SARNP: variants seen among roughly 807,000 people sequenced by gnomAD.
SARNP encodes SAP domain-containing ribonucleoprotein.
SARNP carries 5 observed loss-of-function variants against 38.1 expected under a neutral mutation model. The ratio of observed to expected loss-of-function variants is 0.13; its 90% confidence interval spans 0.07 to 0.28. The LOEUF (loss-of-function observed/expected upper bound fraction) is 0.28. SARNP is among the 10% of genes least tolerant of loss of function. The probability of loss-of-function intolerance (pLI) is 1.00; values close to 1 mark genes in which losing one functional copy is unlikely to be tolerated. For missense variants in SARNP, 180 were observed against 243.9 expected (o/e 0.74, Z 1.75); for synonymous variants, 84 against 80.6 (o/e 1.04, Z -0.23).
chr12:55,815,475 T>G (rs1289075594), intron 1 of SARNP, among the ~76,000 whole-genome samples: 1 of 152,018 alleles, frequency 6.6e-6, no homozygotes, highest in Non-Finnish European at 1.5e-5. Context: ...TTTTTCTTTT[T>G]GAGACGGAGT....
intron 9 of SARNP, among the ~76,000 whole-genome samples, chr12:55,787,909 C>T (rs886090627): frequency 6.6e-6 from 1 of 152,092 alleles, no homozygotes; most frequent in Non-Finnish European, 1.5e-5. Context: ...CCACCACACC[C>T]AGCTAATTTT....
At chr12:55,768,762 T>C (rs1385548953) in intron 9 of SARNP, among the ~76,000 whole-genome samples, 1 of 149,138 alleles carries the variant, frequency 6.7e-6, no homozygotes, top group East Asian at 2.0e-4. Flanking sequence ...CTCATTCTGT[T>C]GCCCAGGCTG....
chr12:55,800,963 G>A (rs1879962924), intron 2 of SARNP, 63 bp from the exon 3 acceptor site: 3 of 1,359,648 alleles, frequency 2.2e-6, no homozygotes, highest in South Asian at 1.2e-5. Flanking sequence ...CACTTACCAA[G>A]GTTAAAATTA....
At chr12:55,767,804 G>A (rs1215496297) in intron 9 of SARNP, among the ~76,000 whole-genome samples, 7 of 138,716 alleles carry the variant, frequency 5.0e-5, no homozygotes, top group South Asian at 4.5e-4. Context: ...CCGAGATCGC[G>A]CCACTGCACT....
intron 9 of SARNP, among the ~76,000 whole-genome samples, chr12:55,765,637 C>G (rs1878807099): frequency 6.6e-6 from 1 of 152,088 alleles, no homozygotes; most frequent in Non-Finnish European, 1.5e-5. Flanking sequence ...AGCCACCACA[C>G]CCAGCCTAGC....
At chr12:55,817,629 G>C in intron 1 of SARNP, 37 bp downstream of exon 1, 1 of 1,599,560 alleles carries the variant, frequency 6.3e-7, no homozygotes, top group East Asian at 2.3e-5. Context: ...TCAGTTCCTA[G>C]AAAAGTCCAA....
chr12:55,752,912 A>G (rs1878370735), downstream of SARNP: 1 of 152,234 alleles, frequency 6.6e-6, no homozygotes, highest in Non-Finnish European at 1.5e-5. Flanking sequence ...ATCAAGTGCC[A>G]CATTTACACC....
chr12:55,799,901 C>T (rs1346300693), intron 4 of SARNP, among the ~76,000 whole-genome samples: 1 of 150,738 alleles, frequency 6.6e-6, no homozygotes, highest in African/African-American at 2.4e-5. Context: ...GAACAGTTAA[C>T]AGAATGGGCC....
chr12:55,801,180 T>C (rs1879968783), intron 2 of SARNP, among the ~76,000 whole-genome samples: 2 of 152,228 alleles, frequency 1.3e-5, no homozygotes, highest in Admixed American at 6.5e-5. Flanking sequence ...CGTGGCTCTC[T>C]GTAATCCCAG....
rs529116424 is a variant in SARNP at position 55,816,600 on chromosome 12, C to CA, written c.36+1065dup. Among the ~76,000 whole-genome samples the CA allele has an allele frequency of 6.6e-3, 994 of 151,062 alleles. 13 individuals carry two copies. Among genetic ancestry groups the CA allele is most frequent in the African/African-American group, 0.023 (951 of 41,258 alleles). On this transcript the variant is annotated intron_variant, in intron 1 of 10. Coordinates refer to ENST00000336133, the MANE Select transcript of SARNP (RefSeq NM_033082.4). ...TAAGCTTTCTTAACAGCAACAAAAA[C>CA]AAAAAAAAACTTTTCGAGCTTTAAA... is the stretch of plus-strand genomic sequence containing the variant.
intron 7 of SARNP, chr12:55,793,595 TCA>T (rs1565679283): frequency 6.6e-6 from 1 of 150,420 alleles, no homozygotes; most frequent in Non-Finnish European, 1.5e-5. Flanking sequence ...TGGTGAACCC[TCA>T]GATACAGACA....
At chr12:55,814,324 A>G (rs1880419731) in intron 1 of SARNP, among the ~76,000 whole-genome samples, 1 of 152,218 alleles carries the variant, frequency 6.6e-6, no homozygotes, top group South Asian at 2.1e-4. Context: ...TACATAACTT[A>G]GAAAGCCCTT....
intron 7 of SARNP, 41 bp from the exon 8 acceptor site, chr12:55,790,633 T>C (rs549681627): frequency 1.4e-6 from 2 of 1,451,214 alleles, no homozygotes; most frequent in South Asian, 2.8e-5. Flanking sequence ...TTTTTAAAAG[T>C]CATCAAAGCC....
At chr12:55,791,298 A>C (rs371497565) in intron 7 of SARNP, among the ~76,000 whole-genome samples, 6 of 152,366 alleles carry the variant, frequency 3.9e-5, no homozygotes, top group African/African-American at 1.4e-4. Context: ...TGAATTATAT[A>C]TCTTTAAATG....
Position 55,796,072 on chromosome 12 carries a change from C to T in SARNP, c.256G>A (p.Ala86Thr). ...GTAATTTTCACCACTTTCTTCTCTGCTGCCCTAGAAAAGAAAGAGATTTTT... is the reference window on the plus strand; with the variant it reads ...GTAATTTTCACCACTTTCTTCTCTGTTGCCCTAGAAAAGAAAGAGATTTTT... ...EPPEKTVDVA[A>T]EKKVVKITSE... The change falls in exon 5 of 11, where the codon GCA becomes ACA. Residue 86 changes from alanine (A) to threonine (T), a missense_variant. By Grantham distance (58) the Ala-to-Thr change is moderately conservative. Transcript: ENST00000336133. The T allele has an allele frequency of 6.2e-7, 1 of 1,607,022 alleles. No homozygotes were observed. The highest frequency in any genetic ancestry group is 8.5e-7 in the Non-Finnish European group (1 of 1,173,916).
At chr12:55,773,858 C>CCCA (rs1182751797) in intron 9 of SARNP, among the ~76,000 whole-genome samples, 2 of 152,074 alleles carry the variant, frequency 1.3e-5, no homozygotes, top group African/African-American at 4.8e-5. Context: ...AATACAGGTG[C>CCCA]CCACCACACC....
At chr12:55,760,129 T>C (rs151300370) in intron 10 of SARNP, among the ~76,000 whole-genome samples, 2 of 152,198 alleles carry the variant, frequency 1.3e-5, no homozygotes, top group African/African-American at 2.4e-5. Flanking sequence ...ATTAAGTATA[T>C]TGATGGAATT....
intron 9 of SARNP, among the ~76,000 whole-genome samples, chr12:55,775,223 G>C (rs1879140277): frequency 7.2e-6 from 1 of 138,900 alleles, no homozygotes; most frequent in Admixed American, 7.7e-5. Context: ...TATGCTCTGG[G>C]AGTTAAAAGG....
chr12:55,794,949 G>A (rs1157112090), intron 5 of SARNP, 69 bp from the exon 6 acceptor site: 12 of 328,702 alleles, frequency 3.7e-5, no homozygotes, highest in Non-Finnish European at 7.0e-5. Flanking sequence ...GTCAGAGGTA[G>A]GTATCTTTAA....
Sources: allele counts gnomAD v4.1 joint callset (sites outside exome capture counted in the v4.1 genomes callset), GRCh38; gene constraint gnomAD v4.1.1; transcripts MANE v1.5; gene names NCBI Gene and HGNC (gene_info 2026-07-23, HGNC 2026-07-21).